Variants in SALL2 observed in about 807,000 individuals in gnomAD.
SALL2 encodes sal-like protein 2.
In SALL2, 32 loss-of-function variants were observed where a neutral mutation model predicts 58.5. That is an observed-to-expected ratio of 0.55 (90% CI 0.41 to 0.74). The LOEUF (loss-of-function observed/expected upper bound fraction) is 0.74. SALL2 is among the 30% of genes least tolerant of loss of function. The probability of loss-of-function intolerance (pLI) is 0.00; values close to 1 mark genes in which losing one functional copy is unlikely to be tolerated. For synonymous variants in SALL2, 516 were observed against 513.6 expected (o/e 1.00, Z -0.06); for missense variants, 1,201 against 1,268.9 (o/e 0.95, Z 0.81).
chr14:21,525,913 A>G lies in SALL2; in HGVS notation c.67+148T>C. On this transcript the variant is annotated intron_variant, in intron 1 of 1. Transcript: ENST00000537235. The surrounding 1 kb of genome is among the most constrained non-coding windows in gnomAD (Gnocchi z 4.4). ...CCTCCTCAGCCACCCTCCCTTCCCCAGGCCACAAGCGAGTTCACGGAATAG... is the reference window on the plus strand; with the variant it reads ...CCTCCTCAGCCACCCTCCCTTCCCCGGGCCACAAGCGAGTTCACGGAATAG... 1.2e-6 allele frequency: 1 copy of G among 845,072 alleles called. No homozygotes were observed. The highest frequency in any genetic ancestry group is 1.7e-5 in the African/African-American group (1 of 59,738). 52.3% of individuals were successfully genotyped at this position (845,072 alleles called of 1,614,324 possible).
chr14:21,525,746 T>C lies in SALL2; in HGVS notation c.68-92A>G. 2 of 1,390,202 alleles carry C rather than the reference T, an allele frequency of 1.4e-6. No homozygotes were observed. Among genetic ancestry groups the C allele is most frequent in the Admixed American group, 2.6e-5 (1 of 38,258 alleles). 86.1% of individuals were successfully genotyped at this position (1,390,202 alleles called of 1,614,324 possible). On this transcript the variant is annotated intron_variant, in intron 1 of 1. Transcript: ENST00000537235. The surrounding 1 kb of genome is among the most constrained non-coding windows in gnomAD (Gnocchi z 4.4). ...TAACAAGGAGGCCAGTAACCGCTAG[T>C]TGGGGGTGGGGAGATGAGCTCACCA...
rs144671906 is a variant in SALL2 at position 21,525,954 on chromosome 14, C to T, written c.67+107G>A. Reference sequence around the variant, plus strand: ...CACGGAATAGGTGTGGGGACAGGGGCCTACGCAGAGAATCATGCATTTTCT... The same window carrying T: ...CACGGAATAGGTGTGGGGACAGGGGTCTACGCAGAGAATCATGCATTTTCT... On this transcript the variant is annotated intron_variant, in intron 1 of 1. Coordinates refer to ENST00000537235, the MANE Select transcript of SALL2 (RefSeq NM_001364564.1). This position sits in a 1 kb window ranked among gnomAD's most constrained non-coding sequence, Gnocchi z 4.4. The T allele has an allele frequency of 3.2e-3, 3,553 of 1,094,614 alleles. 88 individuals carry two copies. In the African/African-American group the frequency reaches 0.049, roughly 15 times the overall value. The allele number at this position is 1,094,614 out of a possible 1,614,324, so 67.8% of individuals were successfully genotyped here.
At chr14:21,531,587 T>A (rs1293810891) in intron 1 of SALL2, among the ~76,000 whole-genome samples, 1 of 152,066 alleles carries the variant, frequency 6.6e-6, no homozygotes, top group East Asian at 1.9e-4. Flanking sequence ...TGTATTTTTT[T>A]AGTAGAGACG....
chr14:21,524,808 G>C lies in SALL2; in HGVS notation c.914C>G (p.Pro305Arg), dbSNP rs1227947969. The C allele has an allele frequency of 6.2e-7, 1 of 1,609,842 alleles. No individual in the cohort carries two copies. The highest frequency in any genetic ancestry group is 1.3e-5 in the African/African-American group (1 of 75,016). Residue 305 changes from proline (P) to arginine (R), a missense_variant, in exon 2 of 2, where the codon CCA becomes CGA. By Grantham distance (103) the Pro-to-Arg change is moderately radical (BLOSUM62 -2). Around this residue, in one of 3 missense-constraint regions of SALL2, gnomAD observed 467 missense variants for 468.9 expected, o/e 1.00. Coordinates refer to ENST00000537235, the MANE Select transcript of SALL2 (RefSeq NM_001364564.1). ...GGCAATCAGCTGATCTGTGCTGCCT[G>C]GCAAGGCTGGGGAAGGGGCAGGGGT... ...KPTPAPSPAL[P>R]GSTDQLIASP...
In SALL2 at chr14:21,522,053, A is replaced by C. The variant is rs1892052776; in HGVS notation, c.*651T>G. ...GCTTCTCAGGCACTGCCTTGGGTGC[A>C]GGAGGCTGAAATAGGAGGGGGGCTG... On this transcript the variant is annotated 3_prime_UTR_variant, in exon 2 of 2. Coordinates refer to ENST00000537235, the MANE Select transcript of SALL2 (RefSeq NM_001364564.1). The C allele has an allele frequency of 1.3e-6, 2 of 1,597,020 alleles. No individual in the cohort carries two copies. Among genetic ancestry groups the C allele is most frequent in the Non-Finnish European group, 1.7e-6 (2 of 1,179,256 alleles).
At chr14:21,536,089 C>T (rs541396348) in intron 1 of SALL2, among the ~76,000 whole-genome samples, 4 of 152,292 alleles carry the variant, frequency 2.6e-5, no homozygotes, top group East Asian at 3.9e-4. Flanking sequence ...TGTCACTTAA[C>T]GGAATGTTAC....
chr14:21,529,156 C>T (rs2139678962), upstream of SALL2, among the ~76,000 whole-genome samples: 1 of 152,252 alleles, frequency 6.6e-6, no homozygotes, highest in East Asian at 1.9e-4. Flanking sequence ...AAAAGGGGGG[C>T]AGGATTCTTA....
intron 1 of SALL2, among the ~76,000 whole-genome samples, chr14:21,534,894 T>C (rs1459160622): frequency 1.3e-5 from 2 of 152,208 alleles, no homozygotes; most frequent in Non-Finnish European, 2.9e-5. Flanking sequence ...GAGGATGCGT[T>C]CTGCCCAAAA....
chr14:21,527,800 C>T (rs1001015550), upstream of SALL2, among the ~76,000 whole-genome samples: 2 of 151,674 alleles, frequency 1.3e-5, no homozygotes, highest in African/African-American at 4.8e-5. Flanking sequence ...TGTGATCACA[C>T]CTGTGAATAA....
chr14:21,525,993 A>G lies in SALL2; in HGVS notation c.67+68T>C, dbSNP rs1892287108. 29 of 1,359,984 alleles carry G rather than the reference A, an allele frequency of 2.1e-5. No homozygotes were observed. The South Asian group carries it at 3.6e-4, about 17-fold the overall frequency. The allele number at this position is 1,359,984 out of a possible 1,614,324, so 84.2% of individuals were successfully genotyped here. On this transcript the variant is annotated intron_variant, in intron 1 of 1. Transcript: ENST00000537235. The surrounding 1 kb of genome is among the most constrained non-coding windows in gnomAD (Gnocchi z 4.4). ...CATGCATTTTCTCCCACCCACCGAA[A>G]GTCTTCGCCGCCCCTGCGCATCCCC...
chr14:21,523,100 T>C lies in SALL2; in HGVS notation c.2622A>G (p.Ala874=). The C allele has an allele frequency of 6.2e-7, 1 of 1,614,202 alleles. No individual in the cohort carries two copies. The highest frequency in any genetic ancestry group is 2.2e-5 in the East Asian group (1 of 44,878). Residue 874 remains alanine (A), a synonymous_variant, in exon 2 of 2, where the codon GCA becomes GCG. Transcript: ENST00000537235. The surrounding 1 kb of genome is among the most constrained non-coding windows in gnomAD (Gnocchi z 4.4). ...GGKPERSSSP[A]SALTPEGEAT... ...CTTCCCCTTCTGGGGTGAGTGCTGA[T>C]GCCGGACTTGAGCTTCTCTCCGGTT...
At position 21,524,138 on chromosome 14, in the gene SALL2, C is replaced by T. The variant is rs114082387; in HGVS notation, c.1584G>A (p.Gly528=). 113 of 1,612,856 alleles carry T rather than the reference C, an allele frequency of 7.0e-5. 1 individual carries two copies. In the African/African-American group the frequency reaches 1.2e-3, roughly 17 times the overall value. The change falls in exon 2 of 2, where the codon GGG becomes GGA. Residue 528 remains glycine, a synonymous_variant. Transcript: ENST00000537235. ...CTCCACTGATGGCTGAGCCCTCACT[C>T]CCTGGGGGGGTGTTTTCATCAGCTT... ...KNKADENTPP[G]SEGSAISGVA...
rs951073551 is a variant in SALL2, at chr14:21,521,779, G to C, written c.*925C>G. ...AGACCTCTTGGCAAGAAATCAGCTT[G>C]TTTCCCAACTTTGAGAGGTCATCAT... On this transcript the variant is annotated 3_prime_UTR_variant, in exon 2 of 2. Coordinates refer to ENST00000537235, the MANE Select transcript of SALL2 (RefSeq NM_001364564.1). The C allele has an allele frequency of 6.7e-5, 33 of 494,696 alleles. No homozygotes were observed. Among genetic ancestry groups the C allele is most frequent in the Non-Finnish European group, 1.4e-5 (4 of 279,356 alleles). The allele number at this position is 494,696 out of a possible 1,614,324, so 30.6% of individuals were successfully genotyped here. A position where few individuals can be genotyped will look rare whatever the true frequency, so the allele number is the denominator to read the frequency against.
rs371769014 is a variant in SALL2 at position 21,533,374 on chromosome 14, C to A, written c.-114+3588G>T. ...GCCCCCAAAACTCTACCTTTGCCTTCTTTCCTCTCTTGCTGTTCTTGCTAT... is the reference window on the plus strand; with the variant it reads ...GCCCCCAAAACTCTACCTTTGCCTTATTTCCTCTCTTGCTGTTCTTGCTAT... On this transcript the variant is annotated intron_variant, in intron 1 of 1. Transcript: ENST00000541965. Among the ~76,000 whole-genome samples, 39 of 152,282 alleles carry A rather than the reference C, an allele frequency of 2.6e-4. 1 individual carries two copies. The South Asian group carries it at 7.3e-3, about 28-fold the overall frequency.
At chr14:21,527,273 C>T (rs1892347518), upstream of SALL2, among the ~76,000 whole-genome samples, 1 of 152,190 alleles carries the variant, frequency 6.6e-6, no homozygotes, top group South Asian at 2.1e-4. Flanking sequence ...GCCCTTTCAG[C>T]CCCAGCCTGA....
upstream of SALL2, among the ~76,000 whole-genome samples, chr14:21,529,004 T>A (rs1892393191): frequency 6.6e-6 from 1 of 152,248 alleles, no homozygotes; most frequent in African/African-American, 2.4e-5. Flanking sequence ...TGCTCTTTAA[T>A]GAAATGTGCT....
chr14:21,531,724 T>TTTTGG (rs1566517929), intron 1 of SALL2, among the ~76,000 whole-genome samples: 1 of 143,244 alleles, frequency 7.0e-6, no homozygotes, highest in African/African-American at 2.6e-5. Flanking sequence ...TTTTTTTTTT[T>TTTTGG]GAGACGGAGT....
upstream of SALL2, among the ~76,000 whole-genome samples, chr14:21,529,655 A>T (rs2139679516): frequency 6.6e-6 from 1 of 152,200 alleles, no homozygotes; most frequent in Non-Finnish European, 1.5e-5. Context: ...AAAAAAAAGA[A>T]AAGAAAGTTT....
upstream of SALL2, among the ~76,000 whole-genome samples, chr14:21,529,558 T>G (rs769378746): frequency 6.6e-6 from 1 of 151,870 alleles, no homozygotes; most frequent in Non-Finnish European, 1.5e-5. Context: ...TTCCTTGTAG[T>G]CCCAGCTACT....
Sources: gnomAD v4.1 joint callset for allele counts (sites outside exome capture counted in the v4.1 genomes callset) on GRCh38, gnomAD v4.1.1 for gene constraint, gnomAD v4.1.1 regional missense constraint, Gnocchi (gnomAD v3.1) non-coding constraint, MANE v1.5 for transcripts, NCBI Gene and HGNC (gene_info 2026-07-23, HGNC 2026-07-21) for gene names.